Variants in DNAH14 observed in about 807,000 individuals in gnomAD.
DNAH14 encodes the protein axonemal beta dynein heavy chain 14.
Under a neutral mutation model 520.9 loss-of-function variants are expected in DNAH14, and 478 were observed. The observed-to-expected ratio is 0.92, with a 90% confidence interval of 0.85 to 0.99. DNAH14 has a LOEUF of 0.99. Ranked by LOEUF, DNAH14 falls within the 50% of genes least tolerant of loss-of-function variation. The probability of loss-of-function intolerance (pLI) is 0.00; values close to 1 mark genes in which losing one functional copy is unlikely to be tolerated. For missense variants in DNAH14, 4,831 were observed against 5,234.5 expected (o/e 0.92, Z 2.38); for synonymous variants, 1,581 against 1,757.2 (o/e 0.90, Z 2.51).
chr1:225,375,763 A>T (rs370067524), intron 78 of DNAH14, among the ~76,000 whole-genome samples: 2 of 140,614 alleles, frequency 1.4e-5, no homozygotes, highest in Non-Finnish European at 3.1e-5. Context: ...TTTTTTTTTT[A>T]AGATTTCCAT....
intron 31 of DNAH14, among the ~76,000 whole-genome samples, chr1:225,150,620 C>G (rs1212147510): frequency 6.6e-6 from 1 of 152,076 alleles, no homozygotes; most frequent in Non-Finnish European, 1.5e-5. Flanking sequence ...TCTGGTTCAG[C>G]CTTGGGAGGG....
chr1:225,370,838 T>C (rs2095610429), intron 77 of DNAH14, among the ~76,000 whole-genome samples: 1 of 152,178 alleles, frequency 6.6e-6, no homozygotes, highest in African/African-American at 2.4e-5. Flanking sequence ...TCTTTTCATA[T>C]ATTTTTTAAA....
At chr1:225,182,130 A>G (rs908145303) in intron 36 of DNAH14, among the ~76,000 whole-genome samples, 4 of 152,322 alleles carry the variant, frequency 2.6e-5, no homozygotes, top group Admixed American at 1.3e-4. Context: ...CCCTGGAAGC[A>G]GAAGTTGCGG....
intron 15 of DNAH14, among the ~76,000 whole-genome samples, chr1:225,047,895 T>G (rs1390144931): frequency 6.6e-6 from 1 of 152,224 alleles, no homozygotes; most frequent in Non-Finnish European, 1.5e-5. Flanking sequence ...CATTCCAACT[T>G]GGATTCTTTC....
intron 54 of DNAH14, among the ~76,000 whole-genome samples, chr1:225,288,146 A>G (rs990663624): frequency 6.6e-6 from 1 of 152,122 alleles, no homozygotes; most frequent in African/African-American, 2.4e-5. Flanking sequence ...AAGGGGGAAA[A>G]AAGAGTAACT....
chr1:225,022,090 C>T (rs760721774), intron 10 of DNAH14, among the ~76,000 whole-genome samples: 2 of 152,144 alleles, frequency 1.3e-5, no homozygotes, highest in Non-Finnish European at 2.9e-5. Context: ...TCACTATATA[C>T]AAAAATTAAC....
intron 45 of DNAH14, among the ~76,000 whole-genome samples, chr1:225,258,520 A>G (rs1236569780): frequency 6.6e-6 from 1 of 152,154 alleles, no homozygotes; most frequent in Non-Finnish European, 1.5e-5. Flanking sequence ...TAGTAATTCA[A>G]TACAGCTCCT....
intron 83 of DNAH14, among the ~76,000 whole-genome samples, chr1:225,390,129 A>G (rs1474318138): frequency 3.3e-5 from 5 of 152,088 alleles, no homozygotes; most frequent in Non-Finnish European, 7.4e-5. Flanking sequence ...TCACTGTATC[A>G]TCTCTCTGCC....
In DNAH14 at chr1:225,303,279, C is replaced by T. The variant is rs906774194; in HGVS notation, c.8755C>T (p.Pro2919Ser). The T allele has an allele frequency of 2.4e-5, 37 of 1,551,184 alleles. No homozygotes were observed. Among genetic ancestry groups the T allele is most frequent in the Non-Finnish European group, 3.0e-5 (34 of 1,146,778 alleles). ...CACGATCGATTGGTATGAGAGGTGG[C>T]CAGAAGAAGCTCTCCTTATTGTAGC... The part of the protein sequence containing the change: ...SCTIDWYERW[P>S]EEALLIVANS... The change falls in exon 57 of 86, where the codon CCA (proline) becomes TCA (serine). Residue 2919 changes from proline to serine, a missense_variant. Coordinates refer to ENST00000682510, the MANE Select transcript of DNAH14 (RefSeq NM_001367479.1).
intron 23 of DNAH14, among the ~76,000 whole-genome samples, chr1:225,109,417 T>C (rs2076318061): frequency 6.6e-6 from 1 of 152,158 alleles, no homozygotes; most frequent in Non-Finnish European, 1.5e-5. Flanking sequence ...TTTTTTATTA[T>C]AGAGATCTTT....
intron 34 of DNAH14, among the ~76,000 whole-genome samples, chr1:225,157,197 C>A (rs1352485052): frequency 2.0e-5 from 3 of 152,154 alleles, no homozygotes; most frequent in Non-Finnish European, 4.4e-5. Flanking sequence ...AATTATCCAA[C>A]AGCTGAAGTC....
At chr1:224,986,318 T>TAAAAAAAAAAA (rs59261709) in intron 8 of DNAH14, among the ~76,000 whole-genome samples, 7 of 87,840 alleles carry the variant, frequency 8.0e-5, no homozygotes, top group Non-Finnish European at 1.4e-4. Context: ...AAAGGCTTAT[T>TAAAAAAAAAAA]AAAAAAAAAA....
At chr1:225,202,501 G>A (rs1335431643) in intron 38 of DNAH14, among the ~76,000 whole-genome samples, 4 of 152,110 alleles carry the variant, frequency 2.6e-5, no homozygotes, top group Non-Finnish European at 5.9e-5. Flanking sequence ...GCCTCACCCA[G>A]CTCCCACACA....
In DNAH14 at chr1:225,340,457, G is replaced by C; in HGVS notation, c.10434G>C (p.Arg3478Ser). ...DAEFEYNSNF[R>S]LYLSTEIDNP... is the part of the protein sequence containing the mutation. ...TAACTGGTGCCTTTCTCATGTTCAG[G>C]TTATACTTATCTACAGAAATAGACA... The change falls in exon 69 of 86, where the codon AGG becomes AGC. Residue 3478 changes from arginine (R) to serine (S), a missense_variant and splice_region_variant. Physicochemically the swap from Arg to Ser is moderately radical, Grantham distance 110 (BLOSUM62 -1). Coordinates refer to ENST00000682510, the MANE Select transcript of DNAH14 (RefSeq NM_001367479.1). 1.3e-6 allele frequency: 2 copies of C among 1,548,652 alleles called. No homozygotes were observed. The highest frequency in any genetic ancestry group is 1.7e-6 in the Non-Finnish European group (2 of 1,144,964).
Position 225,007,505 on chromosome 1 carries a change from G to T in DNAH14, c.1068G>T (p.Arg356Ser). The T allele has an allele frequency of 6.5e-7, 1 of 1,537,066 alleles. No homozygotes were observed. The highest frequency in any genetic ancestry group is 1.2e-5 in the South Asian group (1 of 82,064). ...TQALKQLEDI[R>S]NKAISEMKST... ...CATTGAAACAACTTGAGGACATCAG[G>T]AATAAAGCAATTTCAGAGATGAAAA... Residue 356 changes from arginine (R) to serine (S), a missense_variant, in exon 10 of 86, where the codon AGG (arginine) becomes AGT (serine). Arg to Ser is a moderately radical substitution (Grantham distance 110). Transcript: ENST00000682510.
chr1:225,357,211 A>G (rs1235363551), intron 73 of DNAH14, among the ~76,000 whole-genome samples: 1 of 152,140 alleles, frequency 6.6e-6, no homozygotes, highest in East Asian at 1.9e-4. Context: ...GAATATAGAC[A>G]TGCAGAAAAT....
At chr1:225,101,147 T>C (rs1160781205) in intron 23 of DNAH14, among the ~76,000 whole-genome samples, 1 of 151,942 alleles carries the variant, frequency 6.6e-6, no homozygotes, top group Non-Finnish European at 1.5e-5. Context: ...TTAAAAGAGA[T>C]ATCCTATCTT....
intron 60 of DNAH14, among the ~76,000 whole-genome samples, chr1:225,313,036 C>T (rs2094398955): frequency 9.9e-5 from 15 of 152,162 alleles, no homozygotes; most frequent in Admixed American, 9.8e-4. Flanking sequence ...CCTGTTTGTA[C>T]CTCTGGTAGA....
chr1:224,980,343 G>A (rs1417060959), intron 8 of DNAH14, among the ~76,000 whole-genome samples: 1 of 152,192 alleles, frequency 6.6e-6, no homozygotes, highest in East Asian at 1.9e-4. Flanking sequence ...TGGTAGCCTG[G>A]AAGGTACTCC....
Sources: gnomAD v4.1 joint callset for allele counts (sites outside exome capture counted in the v4.1 genomes callset) on GRCh38, gnomAD v4.1.1 for gene constraint, MANE v1.5 for transcripts, NCBI Gene and HGNC (gene_info 2026-07-23, HGNC 2026-07-21) for gene names.